FHIT: variants seen among roughly 807,000 people sequenced by gnomAD.
FHIT encodes bis(5'-adenosyl)-triphosphatase.
Under a neutral mutation model 17.9 loss-of-function variants are expected in FHIT, and 19 were observed. The observed-to-expected ratio is 1.06, with a 90% CI of 0.74 to 1.56. FHIT has a LOEUF of 1.56. FHIT is among the 40% of genes most tolerant of loss of function. FHIT has a pLI of 0.00. For missense variants in FHIT, 248 were observed against 189.2 expected (o/e 1.31, Z -1.82); for synonymous variants, 81 against 69.7 (o/e 1.16, Z -0.81).
At chr3:60,123,830 T>G (rs1705368031) in intron 5 of FHIT, among the ~76,000 whole-genome samples, 3 of 151,046 alleles carry the variant, frequency 2.0e-5, no homozygotes, top group Non-Finnish European at 4.4e-5. Flanking sequence ...AGTGATAGTA[T>G]ACTACTGAAT....
At chr3:60,428,713 C>G (rs915038032) in intron 5 of FHIT, among the ~76,000 whole-genome samples, 5 of 152,078 alleles carry the variant, frequency 3.3e-5, no homozygotes, top group African/African-American at 1.2e-4. Context: ...CAAAGTGAAG[C>G]AATGATGCCC....
chr3:60,861,971 T>C (rs1196911960), intron 3 of FHIT, among the ~76,000 whole-genome samples: 2 of 147,842 alleles, frequency 1.4e-5, no homozygotes, highest in Non-Finnish European at 3.0e-5. Flanking sequence ...GCCGGTTTGA[T>C]CACTTTGGTA....
chr3:60,197,275 G>A (rs1307657603), intron 5 of FHIT, among the ~76,000 whole-genome samples: 3 of 151,866 alleles, frequency 2.0e-5, no homozygotes, highest in East Asian at 3.9e-4. Context: ...TGCTATAAGT[G>A]TAAAATACAC....
At chr3:60,382,785 A>G (rs1490561983) in intron 5 of FHIT, among the ~76,000 whole-genome samples, 1 of 152,194 alleles carries the variant, frequency 6.6e-6, no homozygotes, top group Non-Finnish European at 1.5e-5. Context: ...TATCAAATGC[A>G]GCATCTGGTC....
intron 5 of FHIT, among the ~76,000 whole-genome samples, chr3:60,304,679 A>T (rs937689370): frequency 9.9e-5 from 15 of 152,130 alleles, no homozygotes; most frequent in African/African-American, 1.7e-4. Context: ...CATGGGACAT[A>T]CTTATTCTAA....
At chr3:60,374,949 C>T (rs1219124119) in intron 5 of FHIT, among the ~76,000 whole-genome samples, 1 of 151,768 alleles carries the variant, frequency 6.6e-6, no homozygotes, top group Non-Finnish European at 1.5e-5. Context: ...AGTTAATGCA[C>T]ATGATAAAGA....
chr3:60,661,032 G>GCAT (rs1377423279), intron 4 of FHIT, among the ~76,000 whole-genome samples: 1 of 151,782 alleles, frequency 6.6e-6, no homozygotes, highest in Admixed American at 6.6e-5. Context: ...TAAATCTAAG[G>GCAT]ACACTTTGGT....
chr3:60,523,649 T>C (rs972740135), intron 5 of FHIT, among the ~76,000 whole-genome samples: 3 of 152,200 alleles, frequency 2.0e-5, no homozygotes, highest in Non-Finnish European at 4.4e-5. Flanking sequence ...CAGTGGCATA[T>C]ACAATCTTGG....
intron 5 of FHIT, among the ~76,000 whole-genome samples, chr3:60,104,287 C>A (rs6766789): frequency 0.19 from 28,281 of 152,058 alleles, 3,922 homozygotes; most frequent in East Asian, 0.47. Context: ...TCATTAAATA[C>A]CAACTCTGTG....
chr3:61,098,616 T>A (rs1576009151), intron 2 of FHIT, among the ~76,000 whole-genome samples: 1 of 152,234 alleles, frequency 6.6e-6, no homozygotes, highest in East Asian at 1.9e-4. Context: ...CTGTGTCATC[T>A]CTGATTTCTT....
intron 3 of FHIT, among the ~76,000 whole-genome samples, chr3:60,995,269 G>C (rs182330045): frequency 0.02 from 3,056 of 152,164 alleles, 96 homozygotes; most frequent in African/African-American, 0.068. Flanking sequence ...GCAGTGAGCC[G>C]AGATCGTGCC....
chr3:59,997,079 T>G (rs1699542658), intron 7 of FHIT, among the ~76,000 whole-genome samples: 4 of 152,136 alleles, frequency 2.6e-5, no homozygotes, highest in Admixed American at 2.6e-4. Flanking sequence ...TACTATATTC[T>G]AAGTACCGCA....
At chr3:60,752,606 A>T (rs782530173) in intron 4 of FHIT, among the ~76,000 whole-genome samples, 36 of 152,340 alleles carry the variant, frequency 2.4e-4, no homozygotes, top group Non-Finnish European at 3.5e-4. Context: ...AACCCTGGAT[A>T]CATTCCACTT....
chr3:60,143,541 T>G (rs1007025673), intron 5 of FHIT, among the ~76,000 whole-genome samples: 1 of 152,090 alleles, frequency 6.6e-6, no homozygotes, highest in Non-Finnish European at 1.5e-5. Context: ...AAACCCCAGA[T>G]GATTCACTAA....
chr3:60,156,013 T>C (rs772243994), intron 5 of FHIT, among the ~76,000 whole-genome samples: 17 of 152,198 alleles, frequency 1.1e-4, no homozygotes, highest in East Asian at 5.8e-4. Flanking sequence ...TTAGTAACCA[T>C]TGCAAGATTG....
intron 5 of FHIT, among the ~76,000 whole-genome samples, chr3:60,509,911 CT>C (rs1290207471): frequency 6.6e-6 from 1 of 152,110 alleles, no homozygotes; most frequent in Non-Finnish European, 1.5e-5. Context: ...GTAAAGAAAC[CT>C]TGCTACCGTC....
chr3:61,061,692 T>C (rs1388599892), intron 2 of FHIT, among the ~76,000 whole-genome samples: 1 of 152,116 alleles, frequency 6.6e-6, no homozygotes. Context: ...AACTTCCACA[T>C]GACATTGTCC....
intron 5 of FHIT, among the ~76,000 whole-genome samples, chr3:60,211,326 A>G (rs1018118686): frequency 2.6e-5 from 4 of 152,068 alleles, no homozygotes; most frequent in African/African-American, 9.7e-5. Context: ...TGTATTTAAT[A>G]AACAGAGTAA....
chr3:60,791,925 C>A (rs530971517), intron 4 of FHIT, among the ~76,000 whole-genome samples: 1 of 152,302 alleles, frequency 6.6e-6, no homozygotes, highest in African/African-American at 2.4e-5. Flanking sequence ...GTAAGCAGTG[C>A]TTACTATTTT....
Sources: allele counts gnomAD v4.1 joint callset (sites outside exome capture counted in the v4.1 genomes callset), GRCh38; gene constraint gnomAD v4.1.1; transcripts MANE v1.5; gene names NCBI Gene and HGNC (gene_info 2026-07-23, HGNC 2026-07-21).